PLCB1: variants seen among roughly 807,000 people sequenced by gnomAD.
PLCB1 encodes phospholipase C beta 1.
Under a neutral mutation model 161.8 loss-of-function variants are expected in PLCB1, and 46 were observed. The ratio of observed to expected loss-of-function variants is 0.28; its 90% confidence interval spans 0.22 to 0.36. The LOEUF (loss-of-function observed/expected upper bound fraction) is 0.36. Among genes scored for constraint, PLCB1 ranks in the 10% least tolerant of loss-of-function variants. The pLI, the probability that PLCB1 is intolerant of heterozygous loss-of-function variation, is 1.00. For synonymous variants in PLCB1, 517 were observed against 503.7 expected (o/e 1.03, Z -0.35); for missense variants, 1,016 against 1,472.5 (o/e 0.69, Z 5.07).
At chr20:8,564,660 C>G (rs1986262399) in intron 3 of PLCB1, among the ~76,000 whole-genome samples, 1 of 152,022 alleles carries the variant, frequency 6.6e-6, no homozygotes, top group African/African-American at 2.4e-5. Flanking sequence ...ACAACCCCAT[C>G]AAAAAGTGGG....
intron 31 of PLCB1, among the ~76,000 whole-genome samples, chr20:8,839,847 A>G (rs1316269360): frequency 6.6e-6 from 1 of 152,052 alleles, no homozygotes; most frequent in East Asian, 1.9e-4. Context: ...GCTGGCCAAC[A>G]TGGCAAAGCC....
intron 3 of PLCB1, among the ~76,000 whole-genome samples, chr20:8,411,958 G>A (rs1979062879): frequency 6.6e-6 from 1 of 152,092 alleles, no homozygotes; most frequent in South Asian, 2.1e-4. Context: ...AGGAGGCAGA[G>A]GTTGCAGTGA....
At chr20:8,183,032 C>T (rs145014678) in intron 2 of PLCB1, among the ~76,000 whole-genome samples, 4 of 152,260 alleles carry the variant, frequency 2.6e-5, no homozygotes, top group Non-Finnish European at 5.9e-5. Flanking sequence ...TTCAGCTGAG[C>T]TGGGCCCAGA....
chr20:8,498,640 A>G (rs1471354628), intron 3 of PLCB1, among the ~76,000 whole-genome samples: 2 of 152,200 alleles, frequency 1.3e-5, no homozygotes, highest in African/African-American at 2.4e-5. Context: ...TGATGCCATA[A>G]TAGTGACTAA....
intron 23 of PLCB1, among the ~76,000 whole-genome samples, chr20:8,756,564 C>T (rs1981746872): frequency 6.6e-6 from 1 of 152,172 alleles, no homozygotes; most frequent in Non-Finnish European, 1.5e-5. Flanking sequence ...CGGGTTCACT[C>T]AAGTGTATGT....
At chr20:8,621,935 G>A (rs1988196180) in intron 3 of PLCB1, among the ~76,000 whole-genome samples, 1 of 152,196 alleles carries the variant, frequency 6.6e-6, no homozygotes, top group African/African-American at 2.4e-5. Flanking sequence ...AGCTGGTGTG[G>A]TAGTTGACAC....
chr20:8,868,570 G>C (rs547666012), intron 31 of PLCB1, among the ~76,000 whole-genome samples: 2 of 152,188 alleles, frequency 1.3e-5, no homozygotes, highest in Non-Finnish European at 2.9e-5. Context: ...TTTACATAGT[G>C]AACAGTTGGC....
At chr20:8,813,737 G>A (rs768663235) in intron 31 of PLCB1, among the ~76,000 whole-genome samples, 3 of 152,104 alleles carry the variant, frequency 2.0e-5, no homozygotes, top group African/African-American at 4.8e-5. Context: ...AGGCTGAGGC[G>A]GGAGGATCAC....
intron 10 of PLCB1, among the ~76,000 whole-genome samples, chr20:8,686,117 A>G (rs887536292): frequency 1.3e-5 from 2 of 152,234 alleles, no homozygotes; most frequent in Non-Finnish European, 2.9e-5. Context: ...TATAATACAC[A>G]GATCTTGCTA....
chr20:8,166,288 C>T (rs1206537980), intron 2 of PLCB1, among the ~76,000 whole-genome samples: 1 of 152,130 alleles, frequency 6.6e-6, no homozygotes, highest in Non-Finnish European at 1.5e-5. Flanking sequence ...CCATCAATGA[C>T]CTTCACATTT....
chr20:8,435,344 G>A (rs999403859), intron 3 of PLCB1, among the ~76,000 whole-genome samples: 3 of 152,178 alleles, frequency 2.0e-5, no homozygotes, highest in Non-Finnish European at 4.4e-5. Context: ...CTACCCGGTA[G>A]AATATGACAA....
At chr20:8,321,743 C>T (rs1984929063) in intron 2 of PLCB1, among the ~76,000 whole-genome samples, 1 of 152,126 alleles carries the variant, frequency 6.6e-6, no homozygotes, top group East Asian at 1.9e-4. Context: ...AAGTAAAAAT[C>T]CCACATTAAA....
intron 3 of PLCB1, among the ~76,000 whole-genome samples, chr20:8,421,837 A>T (rs1421297485): frequency 6.6e-6 from 1 of 152,330 alleles, no homozygotes; most frequent in Middle Eastern, 3.4e-3. Flanking sequence ...TCAAATCAGA[A>T]TCTGCATTTT....
intron 31 of PLCB1, among the ~76,000 whole-genome samples, chr20:8,829,029 T>C (rs541260179): frequency 2.6e-5 from 4 of 152,296 alleles, no homozygotes; most frequent in South Asian, 4.2e-4. Context: ...ATAAATGATA[T>C]AGACATATGC....
chr20:8,751,102 A>ATTTTTTTT (rs368948762), intron 23 of PLCB1: 74 of 186,968 alleles, frequency 4.0e-4, no homozygotes, highest in Non-Finnish European at 6.7e-4. Context: ...AGCCCGGCTA[A>ATTTTTTTT]TTTTTTTTTT....
intron 2 of PLCB1, among the ~76,000 whole-genome samples, chr20:8,254,667 T>A (rs1981321585): frequency 6.6e-6 from 1 of 152,050 alleles, no homozygotes; most frequent in South Asian, 2.1e-4. Context: ...CCTGATATGG[T>A]TGACTTATTA....
chr20:8,162,359 CT>C (rs1467227703), intron 2 of PLCB1, among the ~76,000 whole-genome samples: 3 of 152,100 alleles, frequency 2.0e-5, no homozygotes, highest in Non-Finnish European at 2.9e-5. Context: ...TATTTTATAG[CT>C]AATTTTTCAT....
chr20:8,657,882 G>A (rs1989509107), intron 8 of PLCB1, among the ~76,000 whole-genome samples: 1 of 151,992 alleles, frequency 6.6e-6, no homozygotes, highest in Non-Finnish European at 1.5e-5. Flanking sequence ...ACAAAATGTG[G>A]TAAACAAAAT....
At chr20:8,496,461 G>A (rs1030142783) in intron 3 of PLCB1, among the ~76,000 whole-genome samples, 3 of 152,236 alleles carry the variant, frequency 2.0e-5, no homozygotes, top group African/African-American at 7.2e-5. Flanking sequence ...CAGTGATCGC[G>A]CCACTGCGCC....
Sources: gnomAD v4.1 joint callset for allele counts (sites outside exome capture counted in the v4.1 genomes callset) on GRCh38, gnomAD v4.1.1 for gene constraint, MANE v1.5 for transcripts, NCBI Gene and HGNC (gene_info 2026-07-23, HGNC 2026-07-21) for gene names.